EPS8: variants seen among roughly 807,000 people sequenced by gnomAD.
EPS8 encodes EGFR pathway substrate 8, signaling adaptor, also known as epidermal growth factor receptor kinase substrate 8.
In EPS8, 42 loss-of-function variants were observed where a neutral mutation model predicts 103.8. The ratio of observed to expected loss-of-function variants is 0.40; its 90% CI spans 0.32 to 0.52. The LOEUF (loss-of-function observed/expected upper bound fraction) is 0.52. Ranked by LOEUF, EPS8 falls within the 20% of genes least tolerant of loss-of-function variation. The probability of loss-of-function intolerance (pLI) is 0.40; values close to 1 mark genes in which losing one functional copy is unlikely to be tolerated. For synonymous variants in EPS8, 344 were observed against 344.6 expected, an observed-to-expected ratio of 1.00 and a Z score of 0.02; for missense variants, 969 against 1,005.1, an observed-to-expected ratio of 0.96 and a Z score of 0.49.
At chr12:15,709,803 TG>T (rs1390056816) in intron 1 of EPS8, among the ~76,000 whole-genome samples, 1 of 152,228 alleles carries the variant, frequency 6.6e-6, no homozygotes, top group Non-Finnish European at 1.5e-5. Flanking sequence ...ACTGGTTTCA[TG>T]GAAGACAATT....
chr12:15,686,111 ACAG>A (rs1225561572), intron 1 of EPS8, among the ~76,000 whole-genome samples: 1 of 152,132 alleles, frequency 6.6e-6, no homozygotes, highest in Non-Finnish European at 1.5e-5. Flanking sequence ...CCACCCAGAG[ACAG>A]CAAAACCGAC....
chr12:15,635,173 T>C (rs1591806531), intron 17 of EPS8, among the ~76,000 whole-genome samples: 1 of 152,204 alleles, frequency 6.6e-6, no homozygotes, highest in Non-Finnish European at 1.5e-5. Context: ...GTGATTGTAA[T>C]GAGCTTTAGT....
At position 15,621,148 on chromosome 12, in the gene EPS8, T is replaced by A. The variant is rs766689037; in HGVS notation, c.*169A>T. On this transcript the variant is annotated 3_prime_UTR_variant, in exon 21 of 21. Transcript: ENST00000281172. ...TAAATTTTTTCAGTTTTAATAAAAATAATGGGCCTAGAAGCAAATCCTGTG... is the reference window on the plus strand; with the variant it reads ...TAAATTTTTTCAGTTTTAATAAAAAAAATGGGCCTAGAAGCAAATCCTGTG... The A allele has an allele frequency of 3.7e-5, 16 of 436,568 alleles. No homozygotes were observed. The highest frequency in any genetic ancestry group is 5.7e-4 in the Middle Eastern group (1 of 1,748). The allele number at this position is 436,568 out of a possible 1,614,324, so 27.0% of individuals were successfully genotyped here. A position where few individuals can be genotyped will look rare whatever the true frequency, so the allele number is the denominator to read the frequency against.
chr12:15,770,769 A>G (rs1453019749), intron 1 of EPS8, among the ~76,000 whole-genome samples: 2 of 152,244 alleles, frequency 1.3e-5, no homozygotes, highest in African/African-American at 4.8e-5. Flanking sequence ...AAGCTTTTTC[A>G]GAATATTTCA....
rs995132943 is a variant in EPS8 at position 15,776,445 on chromosome 12, A to G, written c.-22+12716T>C. Among the ~76,000 whole-genome samples the G allele has an allele frequency of 4.6e-5, 7 of 152,114 alleles. No homozygotes were observed. The highest frequency in any genetic ancestry group is 1.7e-4 in the African/African-American group (7 of 41,434). ...AAACCTTCCCCTCAAGTTCACATGC[A>G]CACTCTCAGGAACTAACACAGACCT... is the stretch of plus-strand genomic sequence containing the variant. On this transcript the variant is annotated intron_variant, in intron 1 of 20. Coordinates refer to ENST00000281172, the MANE Select transcript of EPS8 (RefSeq NM_004447.6). This position sits in a 1 kb window ranked among gnomAD's most constrained non-coding sequence, Gnocchi z 4.2.
At chr12:15,643,406 T>C (rs1945264810) in intron 15 of EPS8, among the ~76,000 whole-genome samples, 4 of 152,142 alleles carry the variant, frequency 2.6e-5, no homozygotes, top group Admixed American at 2.6e-4. Flanking sequence ...TGACCATAGT[T>C]ATCAAACAGA....
Position 15,706,468 on chromosome 12 carries a change from C to CA in EPS8, c.-21-23497_-21-23496insT, listed in dbSNP as rs55863944. On this transcript the variant is annotated intron_variant, in intron 1 of 20. Transcript: ENST00000281172. This position sits in a 1 kb window ranked among gnomAD's most constrained non-coding sequence, Gnocchi z 5.2. ...CTTCTTGGGAAACCATTCCCTGACT[C>CA]CCAATCTATCCTAGATTTCTACATT... Among the ~76,000 whole-genome samples, 143,662 of 152,264 alleles carry CA rather than the reference C, an allele frequency of 0.94. 68,335 individuals are homozygous for CA. The highest frequency in any genetic ancestry group is 1 in the East Asian group (5,190 of 5,190).
At position 15,768,511 on chromosome 12, in the gene EPS8, G is replaced by T. The variant is rs147881034; in HGVS notation, c.-22+20650C>A. 2.5e-3 allele frequency among the ~76,000 whole-genome samples: 383 copies of T among 151,564 alleles called. 3 individuals carry two copies. Among genetic ancestry groups the T allele is most frequent in the African/African-American group, 7.7e-3 (319 of 41,298 alleles). ...TTCCCCAACAAATTACCCTAAGTTGGGTGTGTAGTATTTACTAAATATTAA... is the reference window on the plus strand; with the variant it reads ...TTCCCCAACAAATTACCCTAAGTTGTGTGTGTAGTATTTACTAAATATTAA... On this transcript the variant is annotated intron_variant, in intron 1 of 20. Transcript: ENST00000281172.
Position 15,779,216 on chromosome 12 carries a change from G to A in EPS8, c.-22+9945C>T, listed in dbSNP as rs1947236411. On this transcript the variant is annotated intron_variant, in intron 1 of 20. Transcript: ENST00000281172. This position sits in a 1 kb window ranked among gnomAD's most constrained non-coding sequence, Gnocchi z 4.3. ...TGGTCTCGAACTCCCAAACTCAGGT[G>A]ATCCGCCTGCCTCGGCTTCCCAAAA... Among the ~76,000 whole-genome samples, 3 of 152,158 alleles carry A rather than the reference G, an allele frequency of 2.0e-5. No individual in the cohort carries two copies. Among genetic ancestry groups the A allele is most frequent in the Non-Finnish European group, 1.5e-5 (1 of 68,032 alleles).
At chr12:15,680,355 A>G (rs1945983556) in intron 3 of EPS8, among the ~76,000 whole-genome samples, 1 of 152,198 alleles carries the variant, frequency 6.6e-6, no homozygotes, top group Non-Finnish European at 1.5e-5. Flanking sequence ...CAATAATAAT[A>G]GCAAACACAT....
chr12:15,713,483 G>T lies in EPS8; in HGVS notation c.-21-30511C>A, dbSNP rs1483103646. Among the ~76,000 whole-genome samples, 2 of 152,220 alleles carry T rather than the reference G, an allele frequency of 1.3e-5. No individual in the cohort carries two copies. Among genetic ancestry groups the T allele is most frequent in the African/African-American group, 4.8e-5 (2 of 41,458 alleles). On this transcript the variant is annotated intron_variant, in intron 1 of 20. Transcript: ENST00000281172. This position sits in a 1 kb window ranked among gnomAD's most constrained non-coding sequence, Gnocchi z 4.8. ...CTGTGGCCAACACTGGAGCTATGGG[G>T]ATAATCACTGGAGTCTCTTCAGCAC...
At position 15,726,597 on chromosome 12, in the gene EPS8, A is replaced by T. The variant is rs138186853; in HGVS notation, c.-21-43625T>A. ...TGAAGATACACACTTACATACATACACATGGAATGCTTTCTTGCCAGAGAT... is the reference window on the plus strand; with the variant it reads ...TGAAGATACACACTTACATACATACTCATGGAATGCTTTCTTGCCAGAGAT... On this transcript the variant is annotated intron_variant, in intron 1 of 20. Transcript: ENST00000281172. Among the ~76,000 whole-genome samples the T allele has an allele frequency of 4.1e-4, 62 of 152,320 alleles. 3 individuals carry two copies. The East Asian group carries it at 0.012, about 28-fold the overall frequency.
chr12:15,753,568 C>T (rs929958465), intron 1 of EPS8, among the ~76,000 whole-genome samples: 3 of 151,820 alleles, frequency 2.0e-5, no homozygotes, highest in African/African-American at 7.3e-5. Context: ...TGAGGGAGAC[C>T]TTGGATGCTC....
Position 15,647,760 on chromosome 12 carries a change from C to T in EPS8, c.1435-500G>A, listed in dbSNP as rs1945344636. On this transcript the variant is annotated intron_variant, in intron 14 of 20. Transcript: ENST00000281172. ...TCTTTTGCAGTTAAGATAATTCAGACAGGAGACTACTGGGAGCTACCAAGA... is the reference window on the plus strand; with the variant it reads ...TCTTTTGCAGTTAAGATAATTCAGATAGGAGACTACTGGGAGCTACCAAGA... Among the ~76,000 whole-genome samples the T allele has an allele frequency of 2.0e-5, 3 of 152,148 alleles. No individual in the cohort carries two copies. The South Asian group carries it at 6.2e-4, about 32-fold the overall frequency.
Position 15,736,624 on chromosome 12 carries a change from G to A in EPS8, c.-22+52537C>T, listed in dbSNP as rs924805288. Among the ~76,000 whole-genome samples the A allele has an allele frequency of 6.6e-6, 1 of 152,092 alleles. No individual in the cohort carries two copies. The highest frequency in any genetic ancestry group is 1.5e-5 in the Non-Finnish European group (1 of 68,020). ...ATGAAGTTAGTAAGCAAATCAATCC[G>A]CAGCAGGTTAGAAGCATTAAATTTG... On this transcript the variant is annotated intron_variant, in intron 1 of 20. Transcript: ENST00000281172. The surrounding 1 kb of genome is among the most constrained non-coding windows in gnomAD (Gnocchi z 4.2).
In EPS8 at chr12:15,751,889, G is replaced by A. The variant is rs957631038; in HGVS notation, c.-22+37272C>T. The stretch of plus-strand genomic sequence containing the variant: ...TGAGACTCAAGCAGGAGTTAAATCT[G>A]GCATGTGTGTAGGCATGGGCGTGGG... On this transcript the variant is annotated intron_variant, in intron 1 of 20. Transcript: ENST00000281172. The surrounding 1 kb of genome is among the most constrained non-coding windows in gnomAD (Gnocchi z 4.3). 4.6e-5 allele frequency among the ~76,000 whole-genome samples: 7 copies of A among 151,974 alleles called. No homozygotes were observed. Among genetic ancestry groups the A allele is most frequent in the African/African-American group, 1.2e-4 (5 of 41,354 alleles).
At chr12:15,774,749 C>G (rs1406968061) in intron 1 of EPS8, among the ~76,000 whole-genome samples, 1 of 149,798 alleles carries the variant, frequency 6.7e-6, no homozygotes, top group Non-Finnish European at 1.5e-5. Context: ...AAATTACCAA[C>G]AGGGTGGGAA....
In EPS8 at chr12:15,735,600, T is replaced by A. The variant is rs1766537353; in HGVS notation, c.-21-52628A>T. 6.6e-6 allele frequency among the ~76,000 whole-genome samples: 1 copy of A among 152,230 alleles called. No individual in the cohort carries two copies. The highest frequency in any genetic ancestry group is 2.4e-5 in the African/African-American group (1 of 41,460). ...TCTTTTTAATATTTTTCTAGCGTTTTATAAACTGTAAGTAAAATAGGCACA... is the reference window on the plus strand; with the variant it reads ...TCTTTTTAATATTTTTCTAGCGTTTAATAAACTGTAAGTAAAATAGGCACA... On this transcript the variant is annotated intron_variant, in intron 1 of 20. Transcript: ENST00000281172. The surrounding 1 kb of genome is among the most constrained non-coding windows in gnomAD (Gnocchi z 4.4).
At chr12:15,633,063 A>G (rs534339368) in intron 17 of EPS8, among the ~76,000 whole-genome samples, 5 of 152,262 alleles carry the variant, frequency 3.3e-5, no homozygotes, top group African/African-American at 1.2e-4. Context: ...GAGGGAGTAA[A>G]GGGTAAGATT....
Sources: allele counts gnomAD v4.1 joint callset (sites outside exome capture counted in the v4.1 genomes callset), GRCh38; gene constraint gnomAD v4.1.1; non-coding constraint Gnocchi (gnomAD v3.1); transcripts MANE v1.5; gene names NCBI Gene and HGNC (gene_info 2026-07-23, HGNC 2026-07-21).